The following CAPN3 variants were observed in gnomAD, a reference collection of about 807,000 sequenced individuals.
CAPN3 encodes the protein calpain-3.
In CAPN3, 88 loss-of-function variants were observed where a neutral mutation model predicts 114.0. The observed-to-expected ratio is 0.77, with a 90% CI of 0.65 to 0.92. The LOEUF (loss-of-function observed/expected upper bound fraction) is 0.92. Among genes scored for constraint, CAPN3 ranks in the 40% least tolerant of loss-of-function variants. The pLI, the probability that CAPN3 is intolerant of heterozygous loss-of-function variation, is 0.00. For missense variants in CAPN3, 1,028 were observed against 1,069.0 expected (o/e 0.96, Z 0.53); for synonymous variants, 386 against 382.9 (o/e 1.01, Z -0.09).
chr15:42,411,453 G>A, intron 23 of CAPN3, 108 bp downstream of exon 23: 1 of 1,044,820 alleles, frequency 9.6e-7, no homozygotes, highest in Non-Finnish European at 1.5e-6. Flanking sequence ...CACAGTGGTG[G>A]AGGGAAGGGA....
At position 42,373,941 on chromosome 15, in the gene CAPN3, C is replaced by A. The variant is rs183186798; in HGVS notation, c.310-10542C>A. On this transcript the variant is annotated intron_variant, in intron 1 of 23. Coordinates refer to ENST00000397163, the MANE Select transcript of CAPN3 (RefSeq NM_000070.3). Reference sequence around the variant, plus strand: ...AAGGCATGAACATCTTTTGCTGAGACAAAGTAAGCCTCTCTGTAACTATAG... The same window carrying A: ...AAGGCATGAACATCTTTTGCTGAGAAAAAGTAAGCCTCTCTGTAACTATAG... Among the ~76,000 whole-genome samples, 403 of 152,312 alleles carry A rather than the reference C, an allele frequency of 2.6e-3. 1 individual carries two copies. The highest frequency in any genetic ancestry group is 9.4e-3 in the African/African-American group (390 of 41,552).
chr15:42,386,195 C>G lies in CAPN3; in HGVS notation c.408C>G (p.Ala136=), dbSNP rs775861630. The change falls in exon 3 of 24, where the codon GCC becomes GCG. Residue 136 remains alanine (A), a synonymous_variant. Coordinates refer to ENST00000397163, the MANE Select transcript of CAPN3 (RefSeq NM_000070.3). ...LGDCWFLAAI[A]CLTLNQHLLF... ...ACTGCTGGTTTCTCGCAGCCATTGC[C>G]TGCCTGACCCTGAACCAGCACCTTC... 1.2e-6 allele frequency: 2 copies of G among 1,614,052 alleles called. No individual in the cohort carries two copies. The highest frequency in any genetic ancestry group is 4.5e-5 in the East Asian group (2 of 44,880).
At chr15:42,395,016 C>T (rs1427055159) in intron 8 of CAPN3, among the ~76,000 whole-genome samples, 4 of 152,162 alleles carry the variant, frequency 2.6e-5, no homozygotes, top group Admixed American at 1.3e-4. Flanking sequence ...AGGGGGATGG[C>T]AGGACTCAGT....
intron 13 of CAPN3, 91 bp downstream of exon 13, chr15:42,403,093 C>A: frequency 5.0e-6 from 5 of 998,266 alleles, no homozygotes; most frequent in Non-Finnish European, 7.9e-6. Context: ...GACACGTCTC[C>A]TCCAGGGTCC....
intron 8 of CAPN3, among the ~76,000 whole-genome samples, chr15:42,395,769 T>C (rs1349357631): frequency 6.6e-6 from 1 of 152,218 alleles, no homozygotes; most frequent in Non-Finnish European, 1.5e-5. Flanking sequence ...GCTGCATCCC[T>C]CCTCCTGGTC....
At chr15:42,402,555 T>C (rs2053902750) in intron 12 of CAPN3, 1 of 1,466,554 alleles carries the variant, frequency 6.8e-7, no homozygotes, top group South Asian at 1.4e-5. Context: ...GAGCAGCTGT[T>C]CTGGTAAGTG....
intron 1 of CAPN3, among the ~76,000 whole-genome samples, 154 bp downstream of exon 1, chr15:42,360,268 G>A (rs2052607618): frequency 6.6e-6 from 1 of 152,028 alleles, no homozygotes; most frequent in African/African-American, 2.4e-5. Flanking sequence ...AAGCAGGGAG[G>A]AGAGGAACAG....
intron 1 of CAPN3, among the ~76,000 whole-genome samples, chr15:42,367,077 C>T (rs1301558679): frequency 6.6e-6 from 1 of 152,138 alleles, no homozygotes; most frequent in Non-Finnish European, 1.5e-5. Context: ...CAGTGATCCA[C>T]CGCCTCAGCC....
chr15:42,392,677 C>T lies in CAPN3; in HGVS notation c.984C>T (p.Cys328=), dbSNP rs28364441. The change falls in exon 7 of 24, where the codon TGC becomes TGT. Residue 328 remains cysteine, a synonymous_variant. Coordinates refer to ENST00000397163, the MANE Select transcript of CAPN3 (RefSeq NM_000070.3). ...IPVQYETRMA[C]GLVRGHAYSV... ...TTCAGTATGAGACAAGAATGGCCTG[C>T]GGGCTGGTCAGAGGTCACGCCTACT... The T allele has an allele frequency of 7.3e-3, 11,820 of 1,613,836 alleles. 63 individuals carry two copies. The highest frequency in any genetic ancestry group is 9.1e-3 in the Non-Finnish European group (10,777 of 1,179,836).
chr15:42,365,403 C>A (rs1213817976), intron 1 of CAPN3, among the ~76,000 whole-genome samples: 2 of 152,204 alleles, frequency 1.3e-5, no homozygotes, highest in African/African-American at 4.8e-5. Context: ...CCACTGTCCT[C>A]CAAGCTCCTT....
At position 42,402,835 on chromosome 15, in the gene CAPN3, G is replaced by A. The variant is rs2053911432; in HGVS notation, c.1578G>A (p.Leu526=). 1 of 1,614,202 alleles carries A rather than the reference G, an allele frequency of 6.2e-7. No homozygotes were observed. The highest frequency in any genetic ancestry group is 8.5e-7 in the Non-Finnish European group (1 of 1,180,028). The change falls in exon 13 of 24, where the codon CTG becomes CTA. Residue 526 remains leucine, a synonymous_variant. Coordinates refer to ENST00000397163, the MANE Select transcript of CAPN3 (RefSeq NM_000070.3). The part of the protein sequence containing the change: ...NKQHLQKDFF[L]YNASKARSKT... ...AGCACCTGCAGAAGGACTTCTTCCTGTACAACGCCTCCAAGGCCAGGAGCA... is the reference window on the plus strand; with the variant it reads ...AGCACCTGCAGAAGGACTTCTTCCTATACAACGCCTCCAAGGCCAGGAGCA...
chr15:42,386,732 AG>A (rs1304411306), intron 3 of CAPN3, among the ~76,000 whole-genome samples: 1 of 152,190 alleles, frequency 6.6e-6, no homozygotes, highest in Non-Finnish European at 1.5e-5. Flanking sequence ...AAGCCCTGGA[AG>A]AAGAGTCTGC....
chr15:42,396,663 G>A, intron 8 of CAPN3, 137 bp from the exon 9 acceptor site: 2 of 707,078 alleles, frequency 2.8e-6, no homozygotes. Flanking sequence ...GTTTCACACT[G>A]AGGTTAACAG....
chr15:42,378,838 T>C (rs2053162240), intron 1 of CAPN3, among the ~76,000 whole-genome samples: 1 of 152,220 alleles, frequency 6.6e-6, no homozygotes, highest in Non-Finnish European at 1.5e-5. Context: ...TGTTATATTT[T>C]TATTTTCACT....
In CAPN3 at chr15:42,409,989, C is replaced by T. The variant is rs371577901; in HGVS notation, c.2109C>T (p.Leu703=). The T allele has an allele frequency of 6.5e-5, 104 of 1,611,776 alleles. 1 individual carries two copies. Among genetic ancestry groups the T allele is most frequent in the South Asian group, 1.6e-4 (15 of 90,994 alleles). ...AGTCCTGCCGTAGCATGATTGCGCT[C>T]ATGGATGTATCCTTCCTGCCGCCCC... The part of the protein sequence containing the change: ...TLESCRSMIA[L]MDTDGSGKLN... The change falls in exon 19 of 24, where the codon CTC becomes CTT. Residue 703 remains leucine (L), a synonymous_variant. Transcript: ENST00000397163.
At chr15:42,402,753 C>T (rs754445198) in intron 12 of CAPN3, 41 bp from the exon 13 acceptor site, 2 of 1,601,806 alleles carry the variant, frequency 1.2e-6, no homozygotes, top group South Asian at 1.1e-5. Flanking sequence ...GGATGTTCCT[C>T]CCGAGGGGCT....
intron 1 of CAPN3, among the ~76,000 whole-genome samples, chr15:42,362,929 G>A (rs1439940332): frequency 1.3e-5 from 2 of 152,110 alleles, no homozygotes; most frequent in Non-Finnish European, 2.9e-5. Context: ...AGGCCTTCCT[G>A]CTTTTACTGT....
At chr15:42,362,305 T>C (rs1332143686) in intron 1 of CAPN3, among the ~76,000 whole-genome samples, 1 of 152,192 alleles carries the variant, frequency 6.6e-6, no homozygotes, top group Non-Finnish European at 1.5e-5. Flanking sequence ...AATTAAAACC[T>C]ACAAATACTG....
intron 2 of CAPN3, 72 bp downstream of exon 2, chr15:42,384,624 G>A: frequency 9.2e-7 from 1 of 1,089,114 alleles, no homozygotes; most frequent in Non-Finnish European, 1.4e-6. Context: ...CCCCTTCCAG[G>A]AGGTAAAGGG....
Sources: gnomAD v4.1 joint callset for allele counts (sites outside exome capture counted in the v4.1 genomes callset) on GRCh38, gnomAD v4.1.1 for gene constraint, MANE v1.5 for transcripts, NCBI Gene and HGNC (gene_info 2026-07-23, HGNC 2026-07-21) for gene names.